KCNIP4: variants seen among roughly 807,000 people sequenced by gnomAD.
KCNIP4 encodes the protein potassium voltage-gated channel interacting protein 4.
KCNIP4 carries 12 observed loss-of-function variants against 34.0 expected under a neutral mutation model. The ratio of observed to expected loss-of-function variants is 0.35; its 90% CI spans 0.23 to 0.57. KCNIP4 has a LOEUF of 0.57. Among genes scored for constraint, KCNIP4 ranks in the 20% least tolerant of loss-of-function variants. KCNIP4 has a pLI of 0.83. For synonymous variants in KCNIP4, 124 were observed against 102.2 expected (o/e 1.21, Z -1.29); for missense variants, 238 against 311.7 (o/e 0.76, Z 1.78).
chr4:21,554,652 G>A lies in KCNIP4; in HGVS notation c.61+393919C>T, dbSNP rs1045493020. 2.0e-5 allele frequency among the ~76,000 whole-genome samples: 3 copies of A among 151,942 alleles called. No individual in the cohort carries two copies. The South Asian group carries it at 6.2e-4, about 32-fold the overall frequency. ...TTCTGCCTGCATGCCCTTCCCCAGT[G>A]TGCCCCCTCACTCTGCTGTGGCTTG... On this transcript the variant is annotated intron_variant, in intron 1 of 8. Coordinates refer to ENST00000382152, the MANE Select transcript of KCNIP4 (RefSeq NM_025221.6).
chr4:21,329,892 A>AT (rs1359010656), intron 1 of KCNIP4, among the ~76,000 whole-genome samples: 1 of 152,170 alleles, frequency 6.6e-6, no homozygotes. Context: ...TCAATTTTAC[A>AT]TTTTTTCAGG....
At chr4:21,574,513 C>T (rs1026231540) in intron 1 of KCNIP4, among the ~76,000 whole-genome samples, 1 of 152,010 alleles carries the variant, frequency 6.6e-6, no homozygotes, top group African/African-American at 2.4e-5. Context: ...TCCTTATATA[C>T]TTACAGGAGA....
At chr4:20,820,955 G>A (rs1235689864) in intron 3 of KCNIP4, among the ~76,000 whole-genome samples, 1 of 152,228 alleles carries the variant, frequency 6.6e-6, no homozygotes, top group East Asian at 1.9e-4. Flanking sequence ...TGCCCAAGCT[G>A]TGGAGGCATA....
chr4:21,048,138 T>G (rs969447298), intron 1 of KCNIP4, among the ~76,000 whole-genome samples: 1 of 152,234 alleles, frequency 6.6e-6, no homozygotes, highest in Non-Finnish European at 1.5e-5. Context: ...TTAACTGTAT[T>G]AGTAAGGTTA....
At chr4:21,241,551 G>A (rs192170743) in intron 1 of KCNIP4, among the ~76,000 whole-genome samples, 2 of 152,218 alleles carry the variant, frequency 1.3e-5, no homozygotes, top group Admixed American at 1.3e-4. Flanking sequence ...TCTTTTCAGA[G>A]GAATAAGCCA....
chr4:21,783,771 G>A (rs574893068), intron 1 of KCNIP4, among the ~76,000 whole-genome samples: 1 of 152,166 alleles, frequency 6.6e-6, no homozygotes, highest in African/African-American at 2.4e-5. Context: ...TCGGAGGAGT[G>A]GGTAAACAGA....
At chr4:21,127,796 C>A (rs1439947728) in intron 1 of KCNIP4, among the ~76,000 whole-genome samples, 1 of 152,204 alleles carries the variant, frequency 6.6e-6, no homozygotes, top group African/African-American at 2.4e-5. Context: ...TTCCATTGTT[C>A]TTTCCATTTT....
intron 1 of KCNIP4, among the ~76,000 whole-genome samples, chr4:21,481,969 A>T (rs186841133): frequency 2.6e-5 from 4 of 152,074 alleles, no homozygotes; most frequent in African/African-American, 7.2e-5. Flanking sequence ...GTCTCTAAGG[A>T]CTTGCTTTAT....
At chr4:20,965,562 A>T (rs1734260096) in intron 1 of KCNIP4, among the ~76,000 whole-genome samples, 1 of 152,222 alleles carries the variant, frequency 6.6e-6, no homozygotes. Context: ...CTTGTGCCCT[A>T]AAGAATAGAC....
intron 1 of KCNIP4, among the ~76,000 whole-genome samples, chr4:21,279,377 T>A (rs1281543279): frequency 6.6e-6 from 1 of 152,060 alleles, no homozygotes; most frequent in Non-Finnish European, 1.5e-5. Context: ...GTTCATGTAG[T>A]ACTTTAATTA....
intron 1 of KCNIP4, among the ~76,000 whole-genome samples, chr4:21,023,080 C>A (rs1740216587): frequency 6.6e-6 from 1 of 152,062 alleles, no homozygotes; most frequent in Non-Finnish European, 1.5e-5. Context: ...TCCTTGGCCT[C>A]CCAAAGTGCT....
chr4:21,423,695 A>G (rs777482642), intron 1 of KCNIP4, among the ~76,000 whole-genome samples: 8 of 152,220 alleles, frequency 5.3e-5, no homozygotes, highest in Admixed American at 1.3e-4. Context: ...ATTTTAAAAT[A>G]TCAGCCATAT....
At chr4:20,957,388 G>A (rs1276010404) in intron 1 of KCNIP4, among the ~76,000 whole-genome samples, 1 of 152,122 alleles carries the variant, frequency 6.6e-6, no homozygotes. Context: ...ACTTCATAAT[G>A]TATGATCCCA....
chr4:21,747,901 A>C (rs1475522194), intron 1 of KCNIP4, among the ~76,000 whole-genome samples: 1 of 152,146 alleles, frequency 6.6e-6, no homozygotes, highest in Admixed American at 6.6e-5. Context: ...CAAGACGCAA[A>C]AAAGGACACA....
chr4:21,867,642 T>C (rs554569076), intron 1 of KCNIP4, among the ~76,000 whole-genome samples: 1 of 152,144 alleles, frequency 6.6e-6, no homozygotes, highest in African/African-American at 2.4e-5. Flanking sequence ...GAGCATCCCA[T>C]AGCACAAGCC....
At chr4:21,322,327 G>T (rs1714585242) in intron 1 of KCNIP4, among the ~76,000 whole-genome samples, 1 of 152,078 alleles carries the variant, frequency 6.6e-6, no homozygotes, top group Admixed American at 6.6e-5. Context: ...CCAACCTCAG[G>T]GGAGGAGGCC....
intron 1 of KCNIP4, among the ~76,000 whole-genome samples, chr4:21,775,772 GC>G (rs1362700684): frequency 2.6e-5 from 4 of 152,240 alleles, no homozygotes; most frequent in Admixed American, 2.0e-4. Context: ...GTGGGGACAA[GC>G]CTTGGGACCA....
At chr4:21,937,758 T>C (rs1729943379) in intron 1 of KCNIP4, among the ~76,000 whole-genome samples, 1 of 152,076 alleles carries the variant, frequency 6.6e-6, no homozygotes, top group Non-Finnish European at 1.5e-5. Context: ...TTGTCTTCTA[T>C]TTGTCTGATG....
chr4:21,799,102 T>C (rs78211047), intron 1 of KCNIP4, among the ~76,000 whole-genome samples: 1 of 152,254 alleles, frequency 6.6e-6, no homozygotes, highest in East Asian at 1.9e-4. Flanking sequence ...ACTAAGAATT[T>C]GGTACTTTAA....
Sources: gnomAD v4.1 joint callset for allele counts (sites outside exome capture counted in the v4.1 genomes callset) on GRCh38, gnomAD v4.1.1 for gene constraint, MANE v1.5 for transcripts, NCBI Gene and HGNC (gene_info 2026-07-23, HGNC 2026-07-21) for gene names.